Variants in MRI1 observed in about 807,000 individuals in gnomAD.
The protein encoded by MRI1 is methylthioribose-1-phosphate isomerase 1.
A neutral mutation model predicts 27.3 loss-of-function variants in MRI1; 32 were observed. The observed-to-expected ratio is 1.17, with a 90% CI of 0.88 to 1.57. The LOEUF is 1.57. Among genes scored for constraint, MRI1 ranks in the 40% most tolerant of loss-of-function variants. The probability of loss-of-function intolerance (pLI) is 0.00; values close to 1 mark genes in which losing one functional copy is unlikely to be tolerated. For synonymous variants in MRI1, 216 were observed against 227.4 expected (o/e 0.95, Z 0.45); for missense variants, 508 against 516.1 (o/e 0.98, Z 0.15).
rs1434845321 is a variant in MRI1 at position 13,764,556 on chromosome 19, C to G, written c.-33C>G. 6.3e-7 allele frequency: 1 copy of G among 1,599,764 alleles called. No homozygotes were observed. The highest frequency in any genetic ancestry group is 8.5e-7 in the Non-Finnish European group (1 of 1,174,370). ...CCAAGTGCGCGCGGACCCCTAGCTC[C>G]CTCTGAGTTGCGCTGGGCTTGGCTG... On this transcript the variant is annotated 5_prime_UTR_variant, in exon 1 of 6. Transcript: ENST00000040663.
intron 3 of MRI1, among the ~76,000 whole-genome samples, chr19:13,768,167 C>G (rs867688711): frequency 7.9e-5 from 12 of 151,970 alleles, no homozygotes; most frequent in African/African-American, 9.7e-5. Context: ...CACGCCCAGC[C>G]CAAATATTTT....
intron 4 of MRI1, 43 bp from the exon 5 acceptor site, chr19:13,768,781 G>A: frequency 6.3e-7 from 1 of 1,593,488 alleles, no homozygotes; most frequent in Non-Finnish European, 8.6e-7. Flanking sequence ...TGGAGCATGG[G>A]GCCAGGTAAT....
intron 2 of MRI1, among the ~76,000 whole-genome samples, chr19:13,765,371 C>T (rs1428809806): frequency 2.0e-5 from 3 of 152,116 alleles, no homozygotes; most frequent in Admixed American, 2.0e-4. Context: ...ATACACGCAG[C>T]CCCTTATCCG....
At position 13,769,011 on chromosome 19, in the gene MRI1, G is replaced by GAT. The variant is rs759407599; in HGVS notation, c.912_913insAT (p.Leu305IlefsTer2). ...TTATTGAAGAGCGACCGGGCCAGGA[G>GAT]CTGACCGATGTTAATGGGGTCCGGA... On this transcript the variant is annotated frameshift_variant, in exon 5 of 6. Coordinates refer to ENST00000040663, the MANE Select transcript of MRI1 (RefSeq NM_001031727.4). LOFTEE classifies it high-confidence loss of function. 1.9e-6 allele frequency: 3 copies of GAT among 1,613,640 alleles called. No homozygotes were observed. The highest frequency in any genetic ancestry group is 2.5e-6 in the Non-Finnish European group (3 of 1,179,844).
rs550215625 is a variant in MRI1 at position 13,766,201 on chromosome 19, A to T, written c.547+72A>T. The T allele has an allele frequency of 5.9e-5, 82 of 1,380,466 alleles. No individual in the cohort carries two copies. In the African/African-American group the frequency reaches 1.1e-3, roughly 18 times the overall value. The allele number at this position is 1,380,466 out of a possible 1,614,324, so 85.5% of individuals were successfully genotyped here. ...TTTTAGATACAAGAGAAAGAATCCC[A>T]AACCCAAACCACTTTATCCACAAAA... On this transcript the variant is annotated intron_variant, in intron 3 of 5. Coordinates refer to ENST00000040663, the MANE Select transcript of MRI1 (RefSeq NM_001031727.4).
At chr19:13,768,785 A>C (rs1284730385) in intron 4 of MRI1, 39 bp from the exon 5 acceptor site, 1 of 1,592,990 alleles carries the variant, frequency 6.3e-7, no homozygotes, top group Admixed American at 1.7e-5. Context: ...GCATGGGGCC[A>C]GGTAATGACC....
rs570690432 is a variant in MRI1, at chr19:13,765,546, T to TA, written c.372-407dup. Among the ~76,000 whole-genome samples the TA allele has an allele frequency of 1.4e-4, 22 of 152,282 alleles. 1 individual carries two copies. In the East Asian group the frequency reaches 4.1e-3, roughly 28 times the overall value. On this transcript the variant is annotated intron_variant, in intron 2 of 5. Transcript: ENST00000040663. The stretch of plus-strand genomic sequence containing the variant: ...TACCCCACCAAGCTCGAGCCTGCCT[T>TA]ACAGCCTTTGCACGTGCCATTGGTG...
chr19:13,769,371 C>T (rs1358932312), intron 5 of MRI1, among the ~76,000 whole-genome samples: 1 of 151,854 alleles, frequency 6.6e-6, no homozygotes, highest in Non-Finnish European at 1.5e-5. Flanking sequence ...AACATGTGGA[C>T]CAGGCTATTT....
At position 13,770,740 on chromosome 19, in the gene MRI1, G is replaced by A. The variant is rs185042803; in HGVS notation, c.950-1381G>A. ...CTCTACTAAAAATACAAAATTAGCCGGGCGTGGTGGCACATGCCTGTAACC... is the reference window on the plus strand; with the variant it reads ...CTCTACTAAAAATACAAAATTAGCCAGGCGTGGTGGCACATGCCTGTAACC... On this transcript the variant is annotated intron_variant, in intron 5 of 5. Coordinates refer to ENST00000040663, the MANE Select transcript of MRI1 (RefSeq NM_001031727.4). Among the ~76,000 whole-genome samples, 361 of 147,522 alleles carry A rather than the reference G, an allele frequency of 2.4e-3. 1 individual carries two copies. The highest frequency in any genetic ancestry group is 8.4e-3 in the African/African-American group (335 of 39,948).
At position 13,764,724 on chromosome 19, in the gene MRI1, C is replaced by T. The variant is rs1356163286; in HGVS notation, c.132+4C>T. 2 of 1,176,248 alleles carry T rather than the reference C, an allele frequency of 1.7e-6. No individual in the cohort carries two copies. The highest frequency in any genetic ancestry group is 1.9e-5 in the African/African-American group (1 of 51,758). 72.9% of individuals were successfully genotyped at this position (1,176,248 alleles called of 1,614,324 possible). A position where few individuals can be genotyped will look rare whatever the true frequency, so the allele number is the denominator to read the frequency against. On this transcript the variant is annotated splice_donor_region_variant and intron_variant, in intron 1 of 5. Transcript: ENST00000040663. ...GGAGGCCATCCGCGCCATGAAGGTG[C>T]AGCGGGGCGGCGGGGCGGCGGGGCG... is the stretch of plus-strand genomic sequence containing the variant.
intron 3 of MRI1, 25 bp downstream of exon 3, chr19:13,766,154 G>T: frequency 6.7e-7 from 1 of 1,499,358 alleles, no homozygotes; most frequent in South Asian, 1.3e-5. Flanking sequence ...TCAGGGGGTA[G>T]GGGAGGGCCT....
In MRI1 at chr19:13,764,928, C is replaced by A; in HGVS notation, c.190C>A (p.Gln64Lys). Reference sequence around the variant, plus strand: ...CTGTCTCAGCCTCGCCGTGGAGCTGCAGGCGGGCGCCGGGGGACCGGGACT... The same window carrying A: ...CTGTCTCAGCCTCGCCGTGGAGCTGAAGGCGGGCGCCGGGGGACCGGGACT... ...VGCLSLAVEL[Q>K]AGAGGPGLAA... The change falls in exon 2 of 6, where the codon CAG becomes AAG. Residue 64 changes from glutamine (Q) to lysine (K), a missense_variant. By Grantham distance (53) the Gln-to-Lys change is moderately conservative (BLOSUM62 1). Around this residue, in one of 3 missense-constraint regions of MRI1, gnomAD observed 457 missense variants for 452.8 expected, o/e 1.01. Transcript: ENST00000040663. The A allele has an allele frequency of 6.7e-7, 1 of 1,491,902 alleles. No individual in the cohort carries two copies. Among genetic ancestry groups the A allele is most frequent in the Non-Finnish European group, 8.9e-7 (1 of 1,126,002 alleles). 92.4% of individuals were successfully genotyped at this position (1,491,902 alleles called of 1,614,324 possible). A position where few individuals can be genotyped will look rare whatever the true frequency, so the allele number is the denominator to read the frequency against.
At chr19:13,770,378 C>T (rs911547397) in intron 5 of MRI1, among the ~76,000 whole-genome samples, 2 of 150,754 alleles carry the variant, frequency 1.3e-5, no homozygotes, top group African/African-American at 2.4e-5. Context: ...TGAGGTCAGG[C>T]GTTCCAGACC....
chr19:13,765,709 A>G (rs1974106998), intron 2 of MRI1, among the ~76,000 whole-genome samples: 1 of 152,030 alleles, frequency 6.6e-6, no homozygotes, highest in Non-Finnish European at 1.5e-5. Context: ...CCCAGTGTCA[A>G]CTCCACAGGA....
At position 13,764,940 on chromosome 19, in the gene MRI1, G is replaced by A. The variant is rs1974083188; in HGVS notation, c.202G>A (p.Gly68Arg). 1.3e-6 allele frequency: 2 copies of A among 1,497,402 alleles called. No homozygotes were observed. Among genetic ancestry groups the A allele is most frequent in the East Asian group, 2.7e-5 (1 of 36,506 alleles). The allele number at this position is 1,497,402 out of a possible 1,614,324, so 92.8% of individuals were successfully genotyped here. ...SLAVELQAGA[G>R]GPGLAALVAF... ...CGCCGTGGAGCTGCAGGCGGGCGCC[G>A]GGGGACCGGGACTCGCCGCGCTCGT... Residue 68 changes from glycine to arginine, a missense_variant, in exon 2 of 6, where the codon GGG becomes AGG. By Grantham distance (125) the Gly-to-Arg change is moderately radical. Around this residue, in one of 3 missense-constraint regions of MRI1, gnomAD observed 457 missense variants for 452.8 expected, o/e 1.01. Coordinates refer to ENST00000040663, the MANE Select transcript of MRI1 (RefSeq NM_001031727.4).
At position 13,772,403 on chromosome 19, in the gene MRI1, G is replaced by A. The variant is rs1374608187; in HGVS notation, c.*122G>A. On this transcript the variant is annotated 3_prime_UTR_variant, in exon 6 of 6. Coordinates refer to ENST00000040663, the MANE Select transcript of MRI1 (RefSeq NM_001031727.4). The stretch of plus-strand genomic sequence containing the variant: ...TTCCTAGTGCAGGGAGCTCAGACAG[G>A]GCCTTCCATCTAGAGCCCAGCACCT... The A allele has an allele frequency of 1.0e-6, 1 of 952,710 alleles. No homozygotes were observed. Among genetic ancestry groups the A allele is most frequent in the Non-Finnish European group, 1.5e-6 (1 of 655,648 alleles). 59.0% of individuals were successfully genotyped at this position (952,710 alleles called of 1,614,324 possible). A position where few individuals can be genotyped will look rare whatever the true frequency, so the allele number is the denominator to read the frequency against.
chr19:13,767,235 C>T (rs1252514248), intron 3 of MRI1, among the ~76,000 whole-genome samples: 4 of 150,966 alleles, frequency 2.6e-5, no homozygotes, highest in African/African-American at 7.3e-5. Context: ...TTAGTAGGGA[C>T]GGGGTTTCAC....
Position 13,764,648 on chromosome 19 carries a change from G to C in MRI1, c.60G>C (p.Leu20=). 1 of 1,606,512 alleles carries C rather than the reference G, an allele frequency of 6.2e-7. No homozygotes were observed. The change falls in exon 1 of 6, where the codon CTG becomes CTC. Residue 20 remains leucine, a synonymous_variant. Transcript: ENST00000040663. ...CCCTGCAGATCCTAGACCAGCTGCT[G>C]CTGCCCAAGCAGAGCCGCTACGAGG... ...RGSLQILDQL[L]LPKQSRYEAV...
Position 13,766,149 on chromosome 19 carries a change from G to C in MRI1, c.547+20G>C, listed in dbSNP as rs752189151. ...CCCTAGGTGAGAGGGCCTCCTCAGG[G>C]GGTAGGGGAGGGCCTTCTAGGAACT... On this transcript the variant is annotated intron_variant, in intron 3 of 5. Coordinates refer to ENST00000040663, the MANE Select transcript of MRI1 (RefSeq NM_001031727.4). The C allele has an allele frequency of 2.7e-6, 4 of 1,503,014 alleles. No homozygotes were observed. The highest frequency in any genetic ancestry group is 3.6e-6 in the Non-Finnish European group (4 of 1,124,630). The allele number at this position is 1,503,014 out of a possible 1,614,324, so 93.1% of individuals were successfully genotyped here.
Sources: gnomAD v4.1 joint callset for allele counts (sites outside exome capture counted in the v4.1 genomes callset) on GRCh38, gnomAD v4.1.1 for gene constraint, gnomAD v4.1.1 regional missense constraint, MANE v1.5 for transcripts, NCBI Gene and HGNC (gene_info 2026-07-23, HGNC 2026-07-21) for gene names.